Variants in UBE2D2 observed in about 807,000 individuals in gnomAD.
UBE2D2 encodes ubiquitin conjugating enzyme E2 D2, also known as ubiquitin-conjugating enzyme E2 D2.
Under a neutral mutation model 24.2 loss-of-function variants are expected in UBE2D2, and 2 were observed. The observed-to-expected ratio is 0.08, with a 90% CI of 0.03 to 0.26. UBE2D2 has a LOEUF of 0.26. Ranked by LOEUF, UBE2D2 falls within the 10% of genes least tolerant of loss-of-function variation. The pLI is 1.00. For synonymous variants in UBE2D2, 58 were observed against 56.5 expected (o/e 1.03, Z -0.12); for missense variants, 44 against 177.6 (o/e 0.25, Z 4.28).
chr5:139,595,889 G>GTTTTTTTTTTTTTTTTTTTTTTT (rs1561514902), intron 1 of UBE2D2, among the ~76,000 whole-genome samples: 1 of 113,020 alleles, frequency 8.8e-6, no homozygotes, highest in African/African-American at 3.6e-5. Context: ...TTTGTTTTTT[G>GTTTTTTTTTTTTTTTTTTTTTTT]TTGTTTTTTT....
intron 1 of UBE2D2, among the ~76,000 whole-genome samples, chr5:139,570,161 G>A (rs1753320030): frequency 6.7e-6 from 1 of 150,302 alleles, no homozygotes; most frequent in African/African-American, 2.5e-5. Flanking sequence ...TAGCTACTCA[G>A]GAGGCTGAGA....
upstream of UBE2D2, among the ~76,000 whole-genome samples, chr5:139,558,141 G>C (rs1417098792): frequency 6.6e-6 from 1 of 151,970 alleles, no homozygotes; most frequent in Non-Finnish European, 1.5e-5. Flanking sequence ...ATTTACCACA[G>C]CATTATTTTA....
intron 1 of UBE2D2, among the ~76,000 whole-genome samples, chr5:139,547,106 C>T (rs982297316): frequency 6.6e-6 from 1 of 151,572 alleles, no homozygotes; most frequent in Non-Finnish European, 1.5e-5. Context: ...CTGGCTAACA[C>T]GGTGAAATCC....
chr5:139,571,913 C>G (rs1753359434), intron 1 of UBE2D2, among the ~76,000 whole-genome samples: 1 of 151,052 alleles, frequency 6.6e-6, no homozygotes, highest in East Asian at 1.9e-4. Context: ...CCAAACTTAT[C>G]GAAGGTTTTC....
chr5:139,595,951 C>T (rs1177937616), intron 1 of UBE2D2, among the ~76,000 whole-genome samples: 15 of 136,574 alleles, frequency 1.1e-4, no homozygotes, highest in East Asian at 6.6e-4. Flanking sequence ...TGGAGTGCAG[C>T]GGTGAGATCT....
At chr5:139,555,917 T>G (rs1250634909) in intron 1 of UBE2D2, among the ~76,000 whole-genome samples, 8 of 71,418 alleles carry the variant, frequency 1.1e-4, no homozygotes, top group African/African-American at 4.6e-4. Flanking sequence ...AAAGGAAGAC[T>G]CCATCTCAAA....
At chr5:139,611,626 GTC>G (rs1486487781) in intron 2 of UBE2D2, among the ~76,000 whole-genome samples, 1 of 152,070 alleles carries the variant, frequency 6.6e-6, no homozygotes, top group African/African-American at 2.4e-5. Flanking sequence ...TAATTTCCAT[GTC>G]TCTCTTTTAT....
At chr5:139,548,193 A>AAAAAAATAAATAAATAAAT in intron 1 of UBE2D2, among the ~76,000 whole-genome samples, 47 of 47,072 alleles carry the variant, frequency 1.0e-3, no homozygotes, top group Non-Finnish European at 1.4e-3. Flanking sequence ...ATAAAAAAAA[A>AAAAAAATAAATAAATAAAT]AAATAAATAA....
chr5:139,532,453 G>A (rs767769599), intron 1 of UBE2D2, among the ~76,000 whole-genome samples: 2 of 151,726 alleles, frequency 1.3e-5, no homozygotes, highest in South Asian at 2.1e-4. Context: ...CTCGGTTCAC[G>A]CCATTCTCTT....
chr5:139,573,100 GA>G (rs1753389251), intron 1 of UBE2D2, among the ~76,000 whole-genome samples: 1 of 151,950 alleles, frequency 6.6e-6, no homozygotes, highest in African/African-American at 2.4e-5. Flanking sequence ...AGGAGATCGA[GA>G]CCATCCTGGC....
chr5:139,597,994 C>T (rs996578610), intron 1 of UBE2D2, among the ~76,000 whole-genome samples: 6 of 152,116 alleles, frequency 3.9e-5, no homozygotes, highest in Admixed American at 1.3e-4. Context: ...CTCCACCTCC[C>T]GGGTTCACAC....
chr5:139,526,943 C>T, intron 1 of UBE2D2, among the ~76,000 whole-genome samples: 1 of 151,510 alleles, frequency 6.6e-6, no homozygotes, highest in South Asian at 2.1e-4. Flanking sequence ...GTGTGTGTAC[C>T]CTCTTTACCC....
chr5:139,551,521 G>C (rs1401966108), intron 1 of UBE2D2, among the ~76,000 whole-genome samples: 2 of 152,086 alleles, frequency 1.3e-5, no homozygotes, highest in Non-Finnish European at 2.9e-5. Flanking sequence ...TGTTTTAAGG[G>C]AGCTACTGTC....
upstream of UBE2D2, among the ~76,000 whole-genome samples, chr5:139,557,996 G>A (rs988471758): frequency 2.0e-5 from 3 of 151,948 alleles, no homozygotes; most frequent in Non-Finnish European, 2.9e-5. Flanking sequence ...GCTACTCAGC[G>A]GGCTGAAGTG....
At position 139,535,306 on chromosome 5, in the gene UBE2D2, A is replaced by G. The variant is rs539521769; in HGVS notation, c.-64+8694A>G. 5.8e-3 allele frequency among the ~76,000 whole-genome samples: 882 copies of G among 151,096 alleles called. 3 individuals are homozygous for G. The highest frequency in any genetic ancestry group is 8.2e-3 in the Non-Finnish European group (556 of 67,776). ...CTAAAAATACAAAAAAAAAAAAAAA[A>G]AGAGACTTGCATGGTGGCGGGCACC... is the stretch of plus-strand genomic sequence containing the variant. On this transcript the variant is annotated intron_variant, in intron 1 of 6. Transcript: ENST00000511725.
intron 6 of UBE2D2, among the ~76,000 whole-genome samples, chr5:139,626,064 G>T (rs1030783636): frequency 1.8e-4 from 28 of 151,644 alleles, no homozygotes; most frequent in African/African-American, 3.4e-4. Flanking sequence ...GGAAAGTTTG[G>T]TTTTTTTTCC....
At chr5:139,591,488 A>G (rs1753846009) in intron 1 of UBE2D2, among the ~76,000 whole-genome samples, 1 of 152,146 alleles carries the variant, frequency 6.6e-6, no homozygotes, top group African/African-American at 2.4e-5. Flanking sequence ...GTTTAATCTC[A>G]GATAAGCTTA....
intron 1 of UBE2D2, chr5:139,562,194 G>A: frequency 7.2e-7 from 1 of 1,380,836 alleles, no homozygotes; most frequent in South Asian, 1.2e-5. Flanking sequence ...GACAGAGGTC[G>A]AAAGGGCTTC....
chr5:139,531,525 C>T (rs879727957), intron 1 of UBE2D2, among the ~76,000 whole-genome samples: 1 of 150,834 alleles, frequency 6.6e-6, no homozygotes, highest in Non-Finnish European at 1.5e-5. Context: ...TTCTACAACT[C>T]GGTGTCTGAG....
Sources: gnomAD v4.1 joint callset for allele counts (sites outside exome capture counted in the v4.1 genomes callset) on GRCh38, gnomAD v4.1.1 for gene constraint, MANE v1.5 for transcripts, NCBI Gene and HGNC (gene_info 2026-07-23, HGNC 2026-07-21) for gene names.